DAPK1: variants seen among roughly 807,000 people sequenced by gnomAD.
DAPK1 encodes death associated protein kinase 1.
A neutral mutation model predicts 144.9 loss-of-function variants in DAPK1; 56 were observed. That is an observed-to-expected ratio of 0.39 (90% CI 0.31 to 0.48). The LOEUF (loss-of-function observed/expected upper bound fraction) is 0.48, where lower values mean the gene tolerates loss of function less well. DAPK1 is among the 20% of genes least tolerant of loss of function. The pLI is 0.95. For synonymous variants in DAPK1, 690 were observed against 749.0 expected, an observed-to-expected ratio of 0.92 and a Z score of 1.29; for missense variants, 1,454 against 1,875.4, an observed-to-expected ratio of 0.78 and a Z score of 4.15.
chr9:87,579,297 G>A (rs11141902), intron 2 of DAPK1, among the ~76,000 whole-genome samples: 43,019 of 152,028 alleles, frequency 0.28, 6,478 homozygotes, highest in East Asian at 0.48. Context: ...TGATTGAAGC[G>A]GTGAATGACT....
At chr9:87,565,649 C>T (rs1351382731) in intron 2 of DAPK1, among the ~76,000 whole-genome samples, 5 of 152,170 alleles carry the variant, frequency 3.3e-5, no homozygotes, top group African/African-American at 4.8e-5. Context: ...AACTCAAATC[C>T]GACTTCTTGA....
At chr9:87,626,543 AG>A (rs1413898112) in intron 3 of DAPK1, among the ~76,000 whole-genome samples, 1 of 152,220 alleles carries the variant, frequency 6.6e-6, no homozygotes, top group Non-Finnish European at 1.5e-5. Context: ...CCTGCAACCG[AG>A]CATCACCTTG....
At chr9:87,681,371 GTCAC>G (rs1824612306) in intron 19 of DAPK1, 29 bp from the exon 20 acceptor site, 1 of 1,162,828 alleles carries the variant, frequency 8.6e-7, no homozygotes, top group Non-Finnish European at 1.3e-6. Flanking sequence ...CTCTTTTTCT[GTCAC>G]TCACTGGCTC....
At position 87,577,969 on chromosome 9, in the gene DAPK1, C is replaced by T. The variant is rs36204201; in HGVS notation, c.63-26985C>T. Among the ~76,000 whole-genome samples the T allele has an allele frequency of 4.9e-3, 745 of 152,028 alleles. 10 individuals are homozygous for T. Among genetic ancestry groups the T allele is most frequent in the African/African-American group, 0.017 (703 of 41,466 alleles). On this transcript the variant is annotated intron_variant, in intron 2 of 25. Transcript: ENST00000408954. ...TTATTTTGGAACAGGTGCTCAGAGG[C>T]GATGACAGGGATGAGGCGCGAGAAG...
Position 87,640,491 on chromosome 9 carries a change from C to T in DAPK1, c.782+41C>T, listed in dbSNP as rs369520087. ...CCTGAAAGGTGCTTGGCCACGGCCTCAGCCAGCCCAGAGCCTGTGTCTGTT... is the reference window on the plus strand; with the variant it reads ...CCTGAAAGGTGCTTGGCCACGGCCTTAGCCAGCCCAGAGCCTGTGTCTGTT... On this transcript the variant is annotated intron_variant, in intron 8 of 25. Transcript: ENST00000408954. 6.4e-4 allele frequency: 1,029 copies of T among 1,598,056 alleles called. 6 individuals carry two copies. In the South Asian group the frequency reaches 7.1e-3, roughly 11 times the overall value.
At chr9:87,528,982 A>G (rs1019084084) in intron 2 of DAPK1, among the ~76,000 whole-genome samples, 1 of 152,116 alleles carries the variant, frequency 6.6e-6, no homozygotes, top group Non-Finnish European at 1.5e-5. Flanking sequence ...GTAAGGGAAG[A>G]ATGCTTCAAG....
At chr9:87,658,750 G>A (rs1016087111) in intron 18 of DAPK1, among the ~76,000 whole-genome samples, 2 of 152,222 alleles carry the variant, frequency 1.3e-5, no homozygotes, top group African/African-American at 4.8e-5. Flanking sequence ...CAGCTAATGA[G>A]GTATGGTTGC....
chr9:87,541,257 A>C (rs1261684512), intron 2 of DAPK1, among the ~76,000 whole-genome samples: 1 of 152,088 alleles, frequency 6.6e-6, no homozygotes. Context: ...ACTTTAAAGA[A>C]TGATGGAGGG....
chr9:87,648,979 G>A (rs1587809018), intron 15 of DAPK1, 100 bp downstream of exon 15: 1 of 1,039,200 alleles, frequency 9.6e-7, no homozygotes, highest in African/African-American at 1.6e-5. Context: ...TCCAAGCTAG[G>A]CTTTCTGTCT....
In DAPK1 at chr9:87,702,971, C is replaced by T. The variant is rs76546943; in HGVS notation, c.2872-58C>T. 8.1e-4 allele frequency: 646 copies of T among 796,458 alleles called. 3 individuals carry two copies. In the African/African-American group the frequency reaches 9.6e-3, roughly 12 times the overall value. The allele number at this position is 796,458 out of a possible 1,614,324, so 49.3% of individuals were successfully genotyped here. The stretch of plus-strand genomic sequence containing the variant: ...GAAAGGTGTCCTTTCCACTGTGGCT[C>T]TGCTCAGGGCACCCACAGCTGCAGG... On this transcript the variant is annotated intron_variant, in intron 24 of 25. Coordinates refer to ENST00000408954, the MANE Select transcript of DAPK1 (RefSeq NM_004938.4).
chr9:87,670,097 C>T (rs1461728843), intron 19 of DAPK1, among the ~76,000 whole-genome samples: 2 of 152,136 alleles, frequency 1.3e-5, no homozygotes, highest in Non-Finnish European at 2.9e-5. Context: ...TGATTTCTCA[C>T]TCTGTACCAT....
intron 3 of DAPK1, among the ~76,000 whole-genome samples, chr9:87,624,634 G>C (rs1440944741): frequency 6.6e-6 from 1 of 152,126 alleles, no homozygotes; most frequent in Non-Finnish European, 1.5e-5. Context: ...CCAGCAAGTG[G>C]ACAGGACCCT....
At chr9:87,588,914 A>T (rs2118869566) in intron 2 of DAPK1, among the ~76,000 whole-genome samples, 1 of 151,974 alleles carries the variant, frequency 6.6e-6, no homozygotes, top group East Asian at 1.9e-4. Flanking sequence ...AGCAGACAGA[A>T]TTTTGCTCTT....
chr9:87,627,957 T>G (rs1829544667), intron 3 of DAPK1, among the ~76,000 whole-genome samples: 2 of 152,238 alleles, frequency 1.3e-5, no homozygotes, highest in Admixed American at 1.3e-4. Context: ...TATCCCATTT[T>G]CTGGACATGG....
At chr9:87,645,848 A>G (rs1427054315) in intron 11 of DAPK1, 47 bp from the exon 12 acceptor site, 2 of 1,602,188 alleles carry the variant, frequency 1.2e-6, no homozygotes, top group East Asian at 4.5e-5. Context: ...TAAGAAAAGC[A>G]TGGCTAGCAA....
In DAPK1 at chr9:87,546,028, A is replaced by G. The variant is rs191977256; in HGVS notation, c.62+46889A>G. Among the ~76,000 whole-genome samples, 9 of 152,250 alleles carry G rather than the reference A, an allele frequency of 5.9e-5. No homozygotes were observed. In the East Asian group the frequency reaches 1.7e-3, roughly 29 times the overall value. ...ACAGATTCTCAGTACTTCCCATAGC[A>G]TAGAGGGTTGAGTCATAGAGTCCAG... On this transcript the variant is annotated intron_variant, in intron 2 of 25. Transcript: ENST00000408954.
At chr9:87,660,095 C>T (rs61553717) in intron 18 of DAPK1, among the ~76,000 whole-genome samples, 48 of 152,262 alleles carry the variant, frequency 3.2e-4, no homozygotes, top group African/African-American at 1.1e-3. Context: ...GACAGAGTCC[C>T]GGGAGGATCT....
chr9:87,679,076 C>G (rs1302100549), intron 19 of DAPK1, among the ~76,000 whole-genome samples: 2 of 151,882 alleles, frequency 1.3e-5, no homozygotes, highest in African/African-American at 4.8e-5. Context: ...ATGGTCCCGC[C>G]AGGTGTAGAT....
chr9:87,567,387 G>A (rs1022003943), intron 2 of DAPK1, among the ~76,000 whole-genome samples: 13 of 152,084 alleles, frequency 8.5e-5, no homozygotes, highest in African/African-American at 2.9e-4. Flanking sequence ...GGCTGTGGGG[G>A]AATGGGGGTA....
Sources: allele counts gnomAD v4.1 joint callset (sites outside exome capture counted in the v4.1 genomes callset), GRCh38; gene constraint gnomAD v4.1.1; transcripts MANE v1.5; gene names NCBI Gene and HGNC (gene_info 2026-07-23, HGNC 2026-07-21).